MTM1: variants seen among roughly 807,000 people sequenced by gnomAD.
MTM1 encodes myotubularin 1.
MTM1 carries 9 observed loss-of-function variants against 52.1 expected under a neutral mutation model. The observed-to-expected ratio is 0.17, with a 90% CI of 0.10 to 0.30. MTM1 has a LOEUF of 0.30. MTM1 is among the 10% of genes least tolerant of loss of function. The pLI is 1.00. For synonymous variants in MTM1, 136 were observed against 163.8 expected (o/e 0.83, Z 1.29); for missense variants, 277 against 470.7 (o/e 0.59, Z 3.81).
At chrX:150,651,947 T>C (rs1359693334) in intron 10 of MTM1, among the ~76,000 whole-genome samples, 1 of 110,845 alleles carries the variant, frequency 9.0e-6, no homozygotes, top group African/African-American at 3.3e-5. Context: ...AGGAGGTTTA[T>C]TAGCGAGGTC....
chrX:150,606,335 C>G (rs189095357), intron 4 of MTM1, among the ~76,000 whole-genome samples: 1 of 112,020 alleles, frequency 8.9e-6, no homozygotes, highest in Non-Finnish European at 1.9e-5. Flanking sequence ...TGTCCCTTGT[C>G]CCCATGCTAA....
intron 1 of MTM1, among the ~76,000 whole-genome samples, chrX:150,587,159 T>C (rs1380740845): frequency 9.1e-6 from 1 of 110,457 alleles, no homozygotes; most frequent in East Asian, 2.8e-4. Context: ...TCACACTGTT[T>C]TGTAGGTGGG....
intron 7 of MTM1, among the ~76,000 whole-genome samples, chrX:150,640,970 G>A (rs782032236): frequency 8.9e-6 from 1 of 111,740 alleles, no homozygotes; most frequent in African/African-American, 3.3e-5. Context: ...TATCTGTGTG[G>A]TACAGGTAGT....
chrX:150,593,581 G>A (rs2038924002), intron 2 of MTM1, among the ~76,000 whole-genome samples: 1 of 111,776 alleles, frequency 8.9e-6, no homozygotes, highest in Admixed American at 9.5e-5. Context: ...CCCACCAGGT[G>A]GATAGAGATG....
At chrX:150,621,395 A>T (rs1255036656) in intron 6 of MTM1, among the ~76,000 whole-genome samples, 1 of 110,819 alleles carries the variant, frequency 9.0e-6, no homozygotes, top group Admixed American at 9.6e-5. Flanking sequence ...CATGCTTCCA[A>T]ACTGGCTTCC....
intron 1 of MTM1, among the ~76,000 whole-genome samples, chrX:150,576,072 T>C (rs2038467046): frequency 8.9e-6 from 1 of 112,064 alleles, no homozygotes; most frequent in Non-Finnish European, 1.9e-5. Context: ...TGGGATAAAC[T>C]CAACAGGGTC....
upstream of MTM1, among the ~76,000 whole-genome samples, chrX:150,566,752 C>T (rs1415711740): frequency 9.0e-6 from 1 of 111,017 alleles, no homozygotes; most frequent in African/African-American, 3.3e-5. Flanking sequence ...CATCTTGGGA[C>T]ACTTAACCAG....
chrX:150,669,589 C>T (rs1230063998), intron 14 of MTM1, among the ~76,000 whole-genome samples: 4 of 111,712 alleles, frequency 3.6e-5, no homozygotes, highest in South Asian at 3.7e-4. Context: ...TATCTCACTG[C>T]GGTTTTGATT....
upstream of MTM1, among the ~76,000 whole-genome samples, chrX:150,565,681 C>T (rs1473428529): frequency 3.6e-5 from 4 of 111,645 alleles, no homozygotes; most frequent in African/African-American, 9.8e-5. Context: ...AGTGCAGGCT[C>T]CTCCTGGTGC....
chrX:150,572,766 A>C (rs2038401583), intron 1 of MTM1, among the ~76,000 whole-genome samples: 1 of 112,446 alleles, frequency 8.9e-6, no homozygotes, highest in Non-Finnish European at 1.9e-5. Context: ...TCTGGGGAAG[A>C]GATGGTTGAT....
intron 1 of MTM1, among the ~76,000 whole-genome samples, chrX:150,585,840 C>T (rs73620618): frequency 1.6e-3 from 184 of 112,261 alleles, no homozygotes; most frequent in African/African-American, 5.7e-3. Flanking sequence ...TACCATATCA[C>T]TTTCAATTTA....
chrX:150,565,996 A>ACG (rs1368260474), upstream of MTM1, among the ~76,000 whole-genome samples: 1 of 79,511 alleles, frequency 1.3e-5, no homozygotes, highest in Admixed American at 1.6e-4. Flanking sequence ...AGATTCCTAC[A>ACG]CACACACACA....
At chrX:150,647,221 A>ATATATATATATATATATATG (rs373023705) in intron 9 of MTM1, among the ~76,000 whole-genome samples, 62 of 101,605 alleles carry the variant, frequency 6.1e-4, no homozygotes, top group African/African-American at 2.2e-3. Context: ...ATATATATAT[A>ATATATATATATATATATATG]GCAATATTTT....
chrX:150,597,843 T>G (rs1318908780), intron 3 of MTM1, among the ~76,000 whole-genome samples: 2 of 111,307 alleles, frequency 1.8e-5, no homozygotes, highest in African/African-American at 6.6e-5. Flanking sequence ...TCCCAGCACT[T>G]TGAGAGGCCA....
chrX:150,652,265 A>G (rs1557414231), intron 10 of MTM1, among the ~76,000 whole-genome samples: 1 of 110,595 alleles, frequency 9.0e-6, no homozygotes, highest in Non-Finnish European at 1.9e-5. Flanking sequence ...CTGTAGTCCC[A>G]GTGCTTTGGG....
At chrX:150,599,258 C>T (rs782792349) in intron 4 of MTM1, among the ~76,000 whole-genome samples, 85 of 112,460 alleles carry the variant, frequency 7.6e-4, no homozygotes, top group African/African-American at 2.5e-3. Flanking sequence ...TCTACCTTTT[C>T]AATCCCTGAC....
intron 6 of MTM1, among the ~76,000 whole-genome samples, chrX:150,629,188 T>A (rs2148474245): frequency 1.8e-5 from 2 of 112,021 alleles, no homozygotes; most frequent in Non-Finnish European, 3.8e-5. Context: ...TTTCACAGTG[T>A]GGCCCACCTC....
At chrX:150,648,279 A>G (rs1274539834) in intron 9 of MTM1, among the ~76,000 whole-genome samples, 1 of 111,832 alleles carries the variant, frequency 8.9e-6, no homozygotes, top group Non-Finnish European at 1.9e-5. Context: ...AATGGATGGT[A>G]GCCTTACTTC....
chrX:150,570,820 T>C (rs2038359292), intron 1 of MTM1, among the ~76,000 whole-genome samples: 1 of 112,297 alleles, frequency 8.9e-6, no homozygotes, highest in Non-Finnish European at 1.9e-5. Context: ...CACTCATTCT[T>C]AGGAACAAGA....
Sources: allele counts gnomAD v4.1 joint callset (sites outside exome capture counted in the v4.1 genomes callset), GRCh38; gene constraint gnomAD v4.1.1; transcripts MANE v1.5; gene names NCBI Gene and HGNC (gene_info 2026-07-23, HGNC 2026-07-21).